Variants in AP1B1 observed in about 807,000 individuals in gnomAD.
AP1B1 encodes the protein AP-1 complex subunit beta-1.
In AP1B1, 36 loss-of-function variants were observed where a neutral mutation model predicts 104.3. The ratio of observed to expected loss-of-function variants is 0.35; its 90% CI spans 0.26 to 0.46. The LOEUF is 0.46. Ranked by LOEUF, AP1B1 falls within the 20% of genes least tolerant of loss-of-function variation. AP1B1 has a pLI of 1.00. For synonymous variants in AP1B1, 504 were observed against 517.5 expected (o/e 0.97, Z 0.35); for missense variants, 901 against 1,247.9 (o/e 0.72, Z 4.19).
At chr22:29,356,697 T>C in intron 5 of AP1B1, 81 bp from the exon 6 acceptor site, 1 of 1,352,948 alleles carries the variant, frequency 7.4e-7, no homozygotes, top group Non-Finnish European at 1.0e-6. Flanking sequence ...TGCTGGCTGG[T>C]CAGAGGTCAA....
intron 21 of AP1B1, 101 bp downstream of exon 21, chr22:29,330,277 G>C (rs1602678475): frequency 6.4e-7 from 1 of 1,563,296 alleles, no homozygotes; most frequent in East Asian, 2.3e-5. Context: ...TTCAAGCCAG[G>C]CTTGAAGGGA....
chr22:29,328,779 G>T lies in AP1B1; in HGVS notation c.*42C>A, dbSNP rs552068696. The T allele has an allele frequency of 1.1e-5, 17 of 1,583,326 alleles. 2 individuals are homozygous for T. In the African/African-American group the frequency reaches 2.3e-4, roughly 21 times the overall value. ...TGTGCTGCCCCCGAGGGGCCTCCTC[G>T]ATGGGGCGGGCAGAAGGCTGGGGTG... On this transcript the variant is annotated 3_prime_UTR_variant, in exon 23 of 23. Transcript: ENST00000357586. The surrounding 1 kb of genome is among the most constrained non-coding windows in gnomAD (Gnocchi z 4.1).
At chr22:29,354,596 C>A in intron 7 of AP1B1, 54 bp downstream of exon 7, 1 of 1,543,828 alleles carries the variant, frequency 6.5e-7, no homozygotes, top group Non-Finnish European at 8.9e-7. Context: ...CCATTCCCAG[C>A]AGAAGAGGCT....
chr22:29,331,744 T>C, intron 18 of AP1B1, 43 bp downstream of exon 18: 1 of 1,614,034 alleles, frequency 6.2e-7, no homozygotes, highest in African/African-American at 1.3e-5. Flanking sequence ...GCCCGGCTGG[T>C]AGGTGAGTAA....
Position 29,354,799 on chromosome 22 carries a change from C to T in AP1B1, c.789G>A (p.Leu263=), listed in dbSNP as rs2147990776. 6.2e-7 allele frequency: 1 copy of T among 1,614,132 alleles called. No homozygotes were observed. Among genetic ancestry groups the T allele is most frequent in the Non-Finnish European group, 8.5e-7 (1 of 1,180,044 alleles). ...SAVVLSAVKV[L]MKFMEMLSKD... ...TAGACAACATCTCCATGAACTTCAT[C>T]AGCACCTTCACAGCAGAGAGCACCA... Residue 263 remains leucine (L), a synonymous_variant, in exon 7 of 23, where the codon CTG becomes CTA. Transcript: ENST00000357586.
At chr22:29,373,911 A>G (rs2062287188) in intron 1 of AP1B1, among the ~76,000 whole-genome samples, 1 of 135,616 alleles carries the variant, frequency 7.4e-6, no homozygotes, top group Non-Finnish European at 1.6e-5. Context: ...GAAAAAAAAA[A>G]AAAAGGCAAG....
chr22:29,367,119 C>T, intron 2 of AP1B1, 88 bp downstream of exon 2: 1 of 1,234,486 alleles, frequency 8.1e-7, no homozygotes, highest in Non-Finnish European at 1.2e-6. Context: ...CCTTCATTCC[C>T]ACCCCTACTC....
intron 11 of AP1B1, among the ~76,000 whole-genome samples, chr22:29,347,831 C>T (rs1302631354): frequency 6.6e-6 from 1 of 152,204 alleles, no homozygotes; most frequent in African/African-American, 2.4e-5. Context: ...AACTCACATG[C>T]TCTTTTCTCT....
chr22:29,364,357 C>T (rs1052481366), intron 2 of AP1B1, among the ~76,000 whole-genome samples: 3 of 152,254 alleles, frequency 2.0e-5, no homozygotes, highest in Non-Finnish European at 4.4e-5. Context: ...CTGCCATGGA[C>T]AGATAGTCAG....
chr22:29,330,058 A>C (rs1370316198), intron 21 of AP1B1: 2 of 1,408,048 alleles, frequency 1.4e-6, no homozygotes, highest in Non-Finnish European at 1.8e-6. Flanking sequence ...AGGCACTCAC[A>C]GGACAGGGCC....
chr22:29,344,879 C>G (rs2061768661), intron 11 of AP1B1, among the ~76,000 whole-genome samples: 1 of 151,980 alleles, frequency 6.6e-6, no homozygotes, highest in East Asian at 1.9e-4. Context: ...TGAGAAGATT[C>G]AACAAGACAA....
intron 1 of AP1B1, among the ~76,000 whole-genome samples, chr22:29,371,713 G>T (rs1405755844): frequency 6.6e-6 from 1 of 152,058 alleles, no homozygotes; most frequent in Non-Finnish European, 1.5e-5. Context: ...GGGCGACAGA[G>T]TGAGACTCCG....
intron 22 of AP1B1, 139 bp downstream of exon 22, chr22:29,329,573 A>AG: frequency 6.6e-7 from 1 of 1,522,782 alleles, no homozygotes; most frequent in South Asian, 1.3e-5. Context: ...CACCTCAATC[A>AG]GGGCCACCTG....
intron 2 of AP1B1, among the ~76,000 whole-genome samples, chr22:29,364,584 A>C (rs1052427952): frequency 6.6e-6 from 1 of 151,950 alleles, no homozygotes; most frequent in Non-Finnish European, 1.5e-5. Context: ...ACACCCAGCT[A>C]ATTTTTGTAT....
At chr22:29,374,687 G>A (rs536789883) in intron 1 of AP1B1, among the ~76,000 whole-genome samples, 1 of 152,300 alleles carries the variant, frequency 6.6e-6, no homozygotes, top group South Asian at 2.1e-4. Flanking sequence ...AGTCTGAAAC[G>A]CTACAACCTC....
At chr22:29,379,896 G>A (rs748035886) in intron 1 of AP1B1, among the ~76,000 whole-genome samples, 31 of 152,156 alleles carry the variant, frequency 2.0e-4, no homozygotes, top group Admixed American at 3.9e-4. Flanking sequence ...TAATTCTCAG[G>A]GTAATTCAGT....
rs751466739 is a variant in AP1B1 at position 29,349,244 on chromosome 22, C to T, written c.1411G>A (p.Glu471Lys). The change falls in exon 11 of 23, where the codon GAG becomes AAG. Residue 471 changes from glutamate to lysine, a missense_variant. By Grantham distance (56) the Glu-to-Lys change is moderately conservative. Coordinates refer to ENST00000357586, the MANE Select transcript of AP1B1 (RefSeq NM_001127.4). ...TGTGTGCTCTCGTCATGGAAGCCCT[C>T]GAGGAAGCTCTCCAGCAGCTCATCT... ...NADELLESFL[E>K]GFHDESTQVQ... The T allele has an allele frequency of 5.6e-6, 9 of 1,613,570 alleles. No homozygotes were observed. Among genetic ancestry groups the T allele is most frequent in the Admixed American group, 3.3e-5 (2 of 60,034 alleles).
intron 21 of AP1B1, chr22:29,329,963 C>T (rs1040090506): frequency 7.1e-7 from 1 of 1,416,842 alleles, no homozygotes; most frequent in African/African-American, 1.4e-5. Flanking sequence ...CTGTGTGCCC[C>T]AGGGAAGCCA....
intron 17 of AP1B1, 44 bp downstream of exon 17, chr22:29,334,221 C>G: frequency 1.3e-6 from 2 of 1,527,042 alleles, no homozygotes. Flanking sequence ...GGTTCTCTCA[C>G]AGGCCTCCTC....
Sources: gnomAD v4.1 joint callset for allele counts (sites outside exome capture counted in the v4.1 genomes callset) on GRCh38, gnomAD v4.1.1 for gene constraint, Gnocchi (gnomAD v3.1) non-coding constraint, MANE v1.5 for transcripts, NCBI Gene and HGNC (gene_info 2026-07-23, HGNC 2026-07-21) for gene names.